DENND2B: variants seen among roughly 807,000 people sequenced by gnomAD.
DENND2B encodes the protein DENN domain-containing protein 2B.
DENND2B carries 32 observed loss-of-function variants against 116.0 expected under a neutral mutation model. The observed-to-expected ratio is 0.28, with a 90% CI of 0.21 to 0.37. DENND2B has a LOEUF of 0.37. Among genes scored for constraint, DENND2B ranks in the 10% least tolerant of loss-of-function variants. The probability of loss-of-function intolerance (pLI) is 1.00; values close to 1 mark genes in which losing one functional copy is unlikely to be tolerated. For synonymous variants in DENND2B, 588 were observed against 583.9 expected (o/e 1.01, Z -0.10); for missense variants, 1,276 against 1,477.7 (o/e 0.86, Z 2.24).
At chr11:8,700,294 G>T (rs774522388) in intron 14 of DENND2B, among the ~76,000 whole-genome samples, 11 of 152,218 alleles carry the variant, frequency 7.2e-5, no homozygotes, top group African/African-American at 2.7e-4. Flanking sequence ...TGTTGGGCTA[G>T]ATTTCTTCAC....
At chr11:8,701,615 C>T (rs2041694098) in intron 14 of DENND2B, among the ~76,000 whole-genome samples, 1 of 152,092 alleles carries the variant, frequency 6.6e-6, no homozygotes, top group Admixed American at 6.5e-5. Context: ...TCTAAACCAG[C>T]ATAAGAACCA....
At chr11:8,797,372 C>G (rs2059906135) in intron 1 of DENND2B, among the ~76,000 whole-genome samples, 1 of 152,122 alleles carries the variant, frequency 6.6e-6, no homozygotes, top group South Asian at 2.1e-4. Context: ...ACTTCCTTAG[C>G]TAAGCAGGTA....
At chr11:8,870,514 T>A (rs2063742298) in intron 2 of DENND2B, among the ~76,000 whole-genome samples, 1 of 151,412 alleles carries the variant, frequency 6.6e-6, no homozygotes, top group Non-Finnish European at 1.5e-5. Flanking sequence ...TGTGTATGTG[T>A]GTGTGTGTGT....
rs1159460463 is a variant in DENND2B at position 8,732,646 on chromosome 11, AG to A, written c.81-1438del. On this transcript the variant is annotated intron_variant, in intron 2 of 19. Transcript: ENST00000313726. The stretch of plus-strand genomic sequence containing the variant: ...CGGTGAATGATGAAGAGCAAAAGGA[AG>A]GGAAAGGTGAGCTTATTGAAGAGCA... Among the ~76,000 whole-genome samples, 10 of 152,350 alleles carry A rather than the reference AG, an allele frequency of 6.6e-5. No homozygotes were observed. The East Asian group carries it at 1.9e-3, about 29-fold the overall frequency.
intron 19 of DENND2B, among the ~76,000 whole-genome samples, chr11:8,695,190 T>C (rs186972146): frequency 1.3e-5 from 2 of 152,308 alleles, no homozygotes; most frequent in East Asian, 1.9e-4. Flanking sequence ...TACTATGCCA[T>C]TTTATAGAAG....
At chr11:8,813,781 G>A (rs2061476033), upstream of DENND2B, among the ~76,000 whole-genome samples, 1 of 152,146 alleles carries the variant, frequency 6.6e-6, no homozygotes, top group South Asian at 2.1e-4. Context: ...GCATGCTGGA[G>A]TTATGGAGGT....
At position 8,786,830 on chromosome 11, in the gene DENND2B, A is replaced by G. The variant is rs141910885; in HGVS notation, c.-26+23687T>C. On this transcript the variant is annotated intron_variant, in intron 1 of 19. Coordinates refer to ENST00000313726, the MANE Select transcript of DENND2B (RefSeq NM_213618.2). ...AGACAATGTCTCAAAGAAAACAAAC[A>G]AACAAACAACAAAAAAAAACAAGAT... is the stretch of plus-strand genomic sequence containing the variant. Among the ~76,000 whole-genome samples the G allele has an allele frequency of 4.6e-5, 7 of 151,948 alleles. No homozygotes were observed. In the East Asian group the frequency reaches 1.4e-3, roughly 29 times the overall value.
chr11:8,750,138 G>T (rs772387476), intron 2 of DENND2B, among the ~76,000 whole-genome samples: 1 of 152,186 alleles, frequency 6.6e-6, no homozygotes, highest in Non-Finnish European at 1.5e-5. Flanking sequence ...TCGCTATTTG[G>T]TAAGTGGTTA....
chr11:8,811,535 A>G, upstream of DENND2B: 1 of 385,190 alleles, frequency 2.6e-6, no homozygotes, highest in East Asian at 3.7e-5. Flanking sequence ...AAATGAGCAC[A>G]GTCCCTGGGA....
chr11:8,756,806 C>G (rs2053689316), intron 1 of DENND2B, among the ~76,000 whole-genome samples: 1 of 152,150 alleles, frequency 6.6e-6, no homozygotes, highest in Non-Finnish European at 1.5e-5. Context: ...AGAGAAGACA[C>G]TCCTAAAGCA....
chr11:8,867,346 G>T (rs777509283), intron 2 of DENND2B, among the ~76,000 whole-genome samples: 2 of 152,062 alleles, frequency 1.3e-5, no homozygotes, highest in Non-Finnish European at 2.9e-5. Context: ...TGAACAATAC[G>T]ATTAACTGGT....
chr11:8,813,810 G>A (rs2061477766), upstream of DENND2B, among the ~76,000 whole-genome samples: 1 of 152,084 alleles, frequency 6.6e-6, no homozygotes, highest in Admixed American at 6.6e-5. Context: ...GCCTTGTCCT[G>A]GGGGAAGGGA....
intron 4 of DENND2B, among the ~76,000 whole-genome samples, chr11:8,823,404 T>A (rs993747975): frequency 6.6e-6 from 1 of 152,198 alleles, no homozygotes; most frequent in South Asian, 2.1e-4. Flanking sequence ...CATCTGTTTT[T>A]ATCACATTTA....
Position 8,712,476 on chromosome 11 carries a change from T to C in DENND2B, c.2172+75A>G. The C allele has an allele frequency of 1.4e-6, 2 of 1,450,344 alleles. No homozygotes were observed. The highest frequency in any genetic ancestry group is 4.4e-5 in the Admixed American group (2 of 45,022). The allele number at this position is 1,450,344 out of a possible 1,614,324, so 89.8% of individuals were successfully genotyped here. ...CGTATGACGAACAAGATCTCTCTCC[T>C]TCCCCAGATAGGCCTGGCGGATAGA... On this transcript the variant is annotated intron_variant, in intron 9 of 19. Transcript: ENST00000313726. This position sits in a 1 kb window ranked among gnomAD's most constrained non-coding sequence, Gnocchi z 4.4.
intron 2 of DENND2B, among the ~76,000 whole-genome samples, chr11:8,737,120 G>C (rs2049195718): frequency 6.6e-6 from 1 of 152,194 alleles, no homozygotes; most frequent in Non-Finnish European, 1.5e-5. Flanking sequence ...ACAGCATCAG[G>C]ATATTTGGCC....
intron 1 of DENND2B, among the ~76,000 whole-genome samples, chr11:8,774,623 C>T (rs2057368605): frequency 1.3e-5 from 2 of 152,162 alleles, no homozygotes; most frequent in African/African-American, 4.8e-5. Flanking sequence ...CATCCTGGCC[C>T]CACATGAAGC....
At chr11:8,881,960 C>T (rs2063908237) in intron 1 of DENND2B, among the ~76,000 whole-genome samples, 1 of 151,908 alleles carries the variant, frequency 6.6e-6, no homozygotes, top group African/African-American at 2.4e-5. Context: ...TTTCACTGGC[C>T]TTCATTTACT....
chr11:8,871,480 T>C (rs887225278), upstream of DENND2B: 1 of 152,282 alleles, frequency 6.6e-6, no homozygotes, highest in Non-Finnish European at 1.5e-5. Context: ...TCTTCTGGTA[T>C]GCGTGAAAAG....
At chr11:8,899,927 T>C (rs2064143965) in intron 1 of DENND2B, among the ~76,000 whole-genome samples, 1 of 152,198 alleles carries the variant, frequency 6.6e-6, no homozygotes, top group African/African-American at 2.4e-5. Flanking sequence ...TATAACAGCA[T>C]GAGAAGGGGG....
Sources: gnomAD v4.1 joint callset for allele counts (sites outside exome capture counted in the v4.1 genomes callset) on GRCh38, gnomAD v4.1.1 for gene constraint, Gnocchi (gnomAD v3.1) non-coding constraint, MANE v1.5 for transcripts, NCBI Gene and HGNC (gene_info 2026-07-23, HGNC 2026-07-21) for gene names.